The following AGAP2 variants were observed in gnomAD, a reference collection of about 807,000 sequenced individuals.
The protein encoded by AGAP2 is ArfGAP with GTPase domain, ankyrin repeat and PH domain 2.
Under a neutral mutation model 110.9 loss-of-function variants are expected in AGAP2, and 32 were observed. The ratio of observed to expected loss-of-function variants is 0.29; its 90% confidence interval spans 0.22 to 0.39. The LOEUF is 0.39. Among genes scored for constraint, AGAP2 ranks in the 10% least tolerant of loss-of-function variants. The pLI, the probability that AGAP2 is intolerant of heterozygous loss-of-function variation, is 1.00. For synonymous variants in AGAP2, 702 were observed against 713.0 expected (o/e 0.98, Z 0.25); for missense variants, 1,285 against 1,638.5 (o/e 0.78, Z 3.72).
intron 14 of AGAP2, 67 bp from the exon 15 acceptor site, chr12:57,728,152 C>A (rs1243907428): frequency 6.5e-7 from 1 of 1,548,466 alleles, no homozygotes; most frequent in Non-Finnish European, 8.7e-7. Context: ...TTCCCAAGAC[C>A]GTCCTCCCTG....
intron 7 of AGAP2, 52 bp from the exon 8 acceptor site, chr12:57,732,019 A>G (rs1235872170): frequency 6.3e-7 from 1 of 1,582,576 alleles, no homozygotes; most frequent in Middle Eastern, 1.7e-4. Context: ...TACTCCACCA[A>G]GCTACACTCA....
chr12:57,730,700 C>A, intron 11 of AGAP2, 86 bp from the exon 12 acceptor site: 1 of 1,606,672 alleles, frequency 6.2e-7, no homozygotes, highest in Non-Finnish European at 8.5e-7. Context: ...CAGCTTCCTA[C>A]TCGCCCAGTG....
In AGAP2 at chr12:57,727,524, G is replaced by T; in HGVS notation, c.2916C>A (p.Ile972=). 6.2e-7 allele frequency: 1 copy of T among 1,612,822 alleles called. No homozygotes were observed. Among genetic ancestry groups the T allele is most frequent in the South Asian group, 1.1e-5 (1 of 91,008 alleles). Residue 972 remains isoleucine (I), a synonymous_variant, in exon 17 of 19, where the codon ATC becomes ATA. Coordinates refer to ENST00000547588, the MANE Select transcript of AGAP2 (RefSeq NM_001122772.3). ...ACAGGTGTGTGCCCAGGTTGCGGTG[G>T]ATGCCAGAACACTCGATGCAGATGA... ...GALICIECSG[I]HRNLGTHLSR...
chr12:57,730,120 A>G (rs1954856139), intron 12 of AGAP2, among the ~76,000 whole-genome samples: 1 of 82,986 alleles, frequency 1.2e-5, no homozygotes, highest in Non-Finnish European at 3.3e-5. Context: ...TACTATATAT[A>G]TATATTTTTT....
intron 13 of AGAP2, 109 bp from the exon 14 acceptor site, chr12:57,728,486 T>G (rs1408874681): frequency 1.0e-5 from 12 of 1,157,238 alleles, no homozygotes; most frequent in Admixed American, 8.2e-5. Flanking sequence ...TGGAGAGAGA[T>G]AGTGACAGAG....
Position 57,732,040 on chromosome 12 carries a change from T to C in AGAP2, c.1795-73A>G, listed in dbSNP as rs1954897048. 3 of 1,516,606 alleles carry C rather than the reference T, an allele frequency of 2.0e-6. 1 individual carries two copies. Among genetic ancestry groups the C allele is most frequent in the South Asian group, 1.3e-5 (1 of 79,858 alleles). 93.9% of individuals were successfully genotyped at this position (1,516,606 alleles called of 1,614,324 possible). A position where few individuals can be genotyped will look rare whatever the true frequency, so the allele number is the denominator to read the frequency against. Reference sequence around the variant, plus strand: ...ACCAAGCTACACTCATATCTCGTTATGGGGAATTTGAGACATTCCTTGATC... The same window carrying C: ...ACCAAGCTACACTCATATCTCGTTACGGGGAATTTGAGACATTCCTTGATC... On this transcript the variant is annotated intron_variant, in intron 7 of 18. Transcript: ENST00000547588.
chr12:57,735,519 ACCC>A, intron 1 of AGAP2, 92 bp from the exon 2 acceptor site: 1 of 1,046,724 alleles, frequency 9.6e-7, no homozygotes, highest in South Asian at 1.5e-5. Flanking sequence ...CAGCTTTCCA[ACCC>A]CCCCCCAACC....
At position 57,735,359 on chromosome 12, in the gene AGAP2, G is replaced by T. The variant is rs1232725480; in HGVS notation, c.1227+10C>A. On this transcript the variant is annotated intron_variant, in intron 2 of 18. Coordinates refer to ENST00000547588, the MANE Select transcript of AGAP2 (RefSeq NM_001122772.3). ...GCCTTCCCTATAGGCAAGGGGACTG[G>T]GTTACCTACCAGGCGCAGTTCAGGA... 1 of 1,613,794 alleles carries T rather than the reference G, an allele frequency of 6.2e-7. No homozygotes were observed. Among genetic ancestry groups the T allele is most frequent in the South Asian group, 1.1e-5 (1 of 90,978 alleles).
chr12:57,738,840 G>A (rs1053361386), upstream of AGAP2, among the ~76,000 whole-genome samples: 8 of 151,368 alleles, frequency 5.3e-5, no homozygotes, highest in Non-Finnish European at 3.0e-5. The surrounding 1 kb of genome is among the most constrained non-coding windows in gnomAD (Gnocchi z 6.7). Flanking sequence ...CGGGAGGTGG[G>A]TGGGAACCCA....
chr12:57,728,240 C>T, intron 14 of AGAP2, 78 bp downstream of exon 14: 1 of 1,557,728 alleles, frequency 6.4e-7, no homozygotes, highest in Non-Finnish European at 8.8e-7. Context: ...GAAGCCCGAG[C>T]ACATGCAGGG....
At chr12:57,729,254 AG>A (rs1269987225) in intron 13 of AGAP2, among the ~76,000 whole-genome samples, 1 of 151,162 alleles carries the variant, frequency 6.6e-6, no homozygotes, top group Non-Finnish European at 1.5e-5. Flanking sequence ...CACAGAATCC[AG>A]GATCTGGGGA....
At position 57,728,359 on chromosome 12, in the gene AGAP2, T is replaced by C. The variant is rs1954815298; in HGVS notation, c.2576A>G (p.Lys859Arg). 1.2e-6 allele frequency: 2 copies of C among 1,613,860 alleles called. No individual in the cohort carries two copies. The highest frequency in any genetic ancestry group is 3.3e-5 in the Admixed American group (2 of 60,004). ...TCTTAAACTACCAAAGGATTTTAGT[T>C]TCCACATTTTGCGCTTGGCTGGTTT... ...GQAEAKRKMWKLKSFGSLRNI... is the reference protein window; with the variant it reads ...GQAEAKRKMWRLKSFGSLRNI... Residue 859 changes from lysine to arginine, a missense_variant, in exon 14 of 19, where the codon AAA (lysine) becomes AGA (arginine). Physicochemically the swap from Lys to Arg is conservative, Grantham distance 26 (BLOSUM62 2). Transcript: ENST00000547588.
At chr12:57,730,092 T>C (rs1954855453) in intron 12 of AGAP2, among the ~76,000 whole-genome samples, 1 of 151,298 alleles carries the variant, frequency 6.6e-6, no homozygotes, top group African/African-American at 2.4e-5. Flanking sequence ...GGATCATTTG[T>C]TTACAATGTT....
chr12:57,734,098 G>A lies in AGAP2; in HGVS notation c.1477C>T (p.Leu493Phe), dbSNP rs140547942. ...CGAAGGGAACTCAGCTGCCCATGGA[G>A]ACGGCTCACAGCCTGGAAACTGTTC... is the stretch of plus-strand genomic sequence containing the variant. ...DENSFQAVSR[L>F]HGQLSSLRGE... Residue 493 changes from leucine to phenylalanine, a missense_variant, in exon 5 of 19, where the codon CTC becomes TTC. Leu to Phe is a conservative substitution (Grantham distance 22). Coordinates refer to ENST00000547588, the MANE Select transcript of AGAP2 (RefSeq NM_001122772.3). 4.6e-5 allele frequency: 74 copies of A among 1,613,832 alleles called. No homozygotes were observed. In the African/African-American group the frequency reaches 8.3e-4, roughly 18 times the overall value.
intron 3 of AGAP2, 48 bp from the exon 4 acceptor site, chr12:57,734,452 C>A (rs1218298040): frequency 6.2e-7 from 1 of 1,601,862 alleles, no homozygotes. Context: ...TGACAGGTCA[C>A]CAAACCTCCC....
chr12:57,730,367 C>T, intron 12 of AGAP2, 128 bp downstream of exon 12: 3 of 1,262,810 alleles, frequency 2.4e-6, no homozygotes, highest in Non-Finnish European at 3.3e-6. Flanking sequence ...TGAACTTATT[C>T]ATGTGTGGGG....
At chr12:57,727,614 C>T (rs746631831) in intron 16 of AGAP2, 32 bp from the exon 17 acceptor site, 2 of 1,591,574 alleles carry the variant, frequency 1.3e-6, no homozygotes, top group Non-Finnish European at 8.5e-7. Flanking sequence ...CGGCTCCCAG[C>T]CGGGCAGCAC....
At chr12:57,730,415 AG>A (rs1200898638) in intron 12 of AGAP2, 79 bp downstream of exon 12, 2 of 1,572,038 alleles carry the variant, frequency 1.3e-6, no homozygotes, top group African/African-American at 2.7e-5. Context: ...CCAGCCTCCA[AG>A]CCTTCACCCC....
upstream of AGAP2, chr12:57,742,112 G>GC: frequency 3.7e-6 from 6 of 1,600,344 alleles, no homozygotes; most frequent in Non-Finnish European, 5.1e-6. Context: ...ACCACCTCTG[G>GC]CCCTGAGGCC....
Sources: allele counts gnomAD v4.1 joint callset (sites outside exome capture counted in the v4.1 genomes callset), GRCh38; gene constraint gnomAD v4.1.1; non-coding constraint Gnocchi (gnomAD v3.1); transcripts MANE v1.5; gene names NCBI Gene and HGNC (gene_info 2026-07-23, HGNC 2026-07-21).